Variants in CCDC148 observed in about 807,000 individuals in gnomAD.
CCDC148 encodes coiled-coil domain containing 148.
In CCDC148, 89 loss-of-function variants were observed where a neutral mutation model predicts 85.7. The ratio of observed to expected loss-of-function variants is 1.04; its 90% confidence interval spans 0.87 to 1.24. The LOEUF (loss-of-function observed/expected upper bound fraction) is 1.24. Among genes scored for constraint, CCDC148 ranks in the 50% most tolerant of loss-of-function variants. The pLI is 0.00. For synonymous variants in CCDC148, 230 were observed against 213.9 expected (o/e 1.08, Z -0.66); for missense variants, 692 against 671.7 (o/e 1.03, Z -0.33).
intron 11 of CCDC148, among the ~76,000 whole-genome samples, chr2:158,182,585 C>A (rs998089567): frequency 3.2e-4 from 49 of 152,000 alleles, no homozygotes; most frequent in African/African-American, 1.1e-3. Context: ...AGAGACAAGG[C>A]GGAGCTGGAG....
intron 10 of CCDC148, 85 bp from the exon 11 acceptor site, chr2:158,220,798 G>T: frequency 9.8e-7 from 1 of 1,024,296 alleles, no homozygotes; most frequent in Non-Finnish European, 1.4e-6. Flanking sequence ...CCACTGGTTC[G>T]TATTACAAAA....
At chr2:158,331,520 T>G (rs959611907) in intron 7 of CCDC148, among the ~76,000 whole-genome samples, 22 of 152,210 alleles carry the variant, frequency 1.4e-4, no homozygotes, top group South Asian at 4.2e-4. Context: ...ATGTCTATTA[T>G]GTCCGCTTGG....
chr2:158,316,282 A>T (rs1427523214), intron 7 of CCDC148, among the ~76,000 whole-genome samples: 1 of 152,242 alleles, frequency 6.6e-6, no homozygotes, highest in African/African-American at 2.4e-5. Context: ...AGCAGTGTAC[A>T]TTGCTATAAA....
chr2:158,328,194 C>T (rs796580691), intron 7 of CCDC148, among the ~76,000 whole-genome samples: 52 of 152,110 alleles, frequency 3.4e-4, no homozygotes, highest in African/African-American at 1.1e-3. Flanking sequence ...CCCCAGTGTG[C>T]GATGTTGCCC....
At chr2:158,212,080 A>T (rs1474782590) in intron 11 of CCDC148, among the ~76,000 whole-genome samples, 2 of 152,172 alleles carry the variant, frequency 1.3e-5, no homozygotes, top group Non-Finnish European at 2.9e-5. Context: ...GTCTTAAGTT[A>T]CTGCTAATTT....
intron 1 of CCDC148, among the ~76,000 whole-genome samples, chr2:158,395,057 G>A (rs1450539538): frequency 6.6e-6 from 1 of 151,996 alleles, no homozygotes; most frequent in African/African-American, 2.4e-5. Context: ...AAAGATAATA[G>A]TTTTATTTTA....
chr2:158,452,608 T>C (rs1315449440), intron 1 of CCDC148, among the ~76,000 whole-genome samples: 1 of 148,098 alleles, frequency 6.8e-6, no homozygotes, highest in African/African-American at 2.7e-5. Flanking sequence ...TCTCTCTGGT[T>C]CTCTTGTTCT....
intron 2 of CCDC148, among the ~76,000 whole-genome samples, chr2:158,351,467 G>GGTGAGGAAC (rs1553511222): frequency 4.0e-5 from 6 of 150,270 alleles, no homozygotes; most frequent in Non-Finnish European, 8.9e-5. Context: ...TCAAAGAAAG[G>GGTGAGGAAC]GGCACCTGGA....
chr2:158,301,098 A>G (rs1186781592), intron 9 of CCDC148, among the ~76,000 whole-genome samples: 2 of 152,088 alleles, frequency 1.3e-5, no homozygotes, highest in Non-Finnish European at 2.9e-5. Context: ...GCTTCAAGCA[A>G]TCCTCCCACC....
At chr2:158,187,070 G>A (rs781203711) in intron 11 of CCDC148, among the ~76,000 whole-genome samples, 43 of 152,016 alleles carry the variant, frequency 2.8e-4, no homozygotes, top group Non-Finnish European at 3.5e-4. Context: ...GCTGCTTGAT[G>A]TTCTCCTTGA....
rs551105369 is a variant in CCDC148, at chr2:158,448,891, A to C, written c.25+7524T>G. On this transcript the variant is annotated intron_variant, in intron 1 of 13. Transcript: ENST00000283233. Reference sequence around the variant, plus strand: ...CACCCAGGCTGGAGTGCAGTGGCGCAATCTCAGCTCACTGCAACCTCCGCC... The same window carrying C: ...CACCCAGGCTGGAGTGCAGTGGCGCCATCTCAGCTCACTGCAACCTCCGCC... 2.6e-5 allele frequency among the ~76,000 whole-genome samples: 4 copies of C among 151,618 alleles called. No individual in the cohort carries two copies. In the East Asian group the frequency reaches 7.8e-4, roughly 30 times the overall value.
At chr2:158,192,592 G>T (rs1685475523) in intron 11 of CCDC148, among the ~76,000 whole-genome samples, 1 of 152,020 alleles carries the variant, frequency 6.6e-6, no homozygotes, top group East Asian at 1.9e-4. Context: ...GTGTCTCTTT[G>T]TTCACATTCT....
chr2:158,295,240 C>A (rs958493974), intron 9 of CCDC148, among the ~76,000 whole-genome samples: 3 of 151,870 alleles, frequency 2.0e-5, no homozygotes, highest in Non-Finnish European at 2.9e-5. Flanking sequence ...CAATAGCTTA[C>A]CAACCAAAAA....
intron 11 of CCDC148, among the ~76,000 whole-genome samples, chr2:158,213,953 C>T (rs1021620277): frequency 4.0e-5 from 6 of 151,584 alleles, no homozygotes; most frequent in African/African-American, 1.2e-4. Context: ...CTACTGCATG[C>T]GAAAGAGAGA....
intron 11 of CCDC148, among the ~76,000 whole-genome samples, chr2:158,220,302 C>CA (rs1443028566): frequency 6.6e-6 from 1 of 152,164 alleles, no homozygotes; most frequent in African/African-American, 2.4e-5. Flanking sequence ...ATAGTTACAG[C>CA]AGCAGCCAGT....
intron 1 of CCDC148, among the ~76,000 whole-genome samples, chr2:158,401,975 G>A (rs1282941186): frequency 7.2e-5 from 11 of 151,986 alleles, no homozygotes; most frequent in Middle Eastern, 3.2e-3. Context: ...AAGCATGAGT[G>A]CACACAATCT....
In CCDC148 at chr2:158,338,810, G is replaced by A; in HGVS notation, c.680C>T (p.Ser227Leu). ...LECPYPDLKS[S>L]ILSEFYKFTQ... ...AAACTTATAGAACTCACTGAGAATT[G>A]AAGATTTCAAATCAGGGTATGGGCA... Residue 227 changes from serine (S) to leucine (L), a missense_variant, in exon 7 of 14, where the codon TCA (serine) becomes TTA (leucine). Ser to Leu is a moderately radical substitution (Grantham distance 145). Coordinates refer to ENST00000283233, the MANE Select transcript of CCDC148 (RefSeq NM_138803.4). 2 of 1,612,302 alleles carry A rather than the reference G, an allele frequency of 1.2e-6. No individual in the cohort carries two copies.
chr2:158,250,299 T>C (rs1483731789), intron 10 of CCDC148, among the ~76,000 whole-genome samples: 2 of 151,956 alleles, frequency 1.3e-5, no homozygotes, highest in African/African-American at 4.8e-5. Flanking sequence ...AACAAAACCA[T>C]CTAATAAACA....
intron 2 of CCDC148, among the ~76,000 whole-genome samples, chr2:158,356,899 C>T (rs1683673789): frequency 7.3e-6 from 1 of 137,808 alleles, no homozygotes; most frequent in African/African-American, 2.8e-5. Context: ...TACTATGCAG[C>T]CATAAAAAAT....
Sources: allele counts gnomAD v4.1 joint callset (sites outside exome capture counted in the v4.1 genomes callset), GRCh38; gene constraint gnomAD v4.1.1; transcripts MANE v1.5; gene names NCBI Gene and HGNC (gene_info 2026-07-23, HGNC 2026-07-21).